Variants in RABGAP1L observed in about 807,000 individuals in gnomAD.
The protein encoded by RABGAP1L is RAB GTPase activating protein 1 like.
Under a neutral mutation model 137.7 loss-of-function variants are expected in RABGAP1L, and 63 were observed. That is an observed-to-expected ratio of 0.46 (90% confidence interval 0.37 to 0.56). The LOEUF (loss-of-function observed/expected upper bound fraction) is 0.56, where lower values mean the gene tolerates loss of function less well. Ranked by LOEUF, RABGAP1L falls within the 20% of genes least tolerant of loss-of-function variation. RABGAP1L has a pLI of 0.00. For synonymous variants in RABGAP1L, 431 were observed against 433.7 expected (o/e 0.99, Z 0.08); for missense variants, 1,095 against 1,244.0 (o/e 0.88, Z 1.80).
At chr1:174,479,526 A>G (rs925814910) in intron 13 of RABGAP1L, among the ~76,000 whole-genome samples, 2 of 152,210 alleles carry the variant, frequency 1.3e-5, no homozygotes, top group African/African-American at 2.4e-5. Flanking sequence ...TGGAATTGCT[A>G]TAGAAATTCA....
chr1:174,546,626 C>T (rs893521598), intron 13 of RABGAP1L, among the ~76,000 whole-genome samples: 1 of 152,192 alleles, frequency 6.6e-6, no homozygotes, highest in Non-Finnish European at 1.5e-5. Context: ...ATGCCTCTTT[C>T]AGTCCTTGCT....
In RABGAP1L at chr1:174,946,913, A is replaced by AT. The variant is rs1386058220; in HGVS notation, c.2341-10544_2341-10543insT. Among the ~76,000 whole-genome samples, 362 of 51,612 alleles carry AT rather than the reference A, an allele frequency of 7.0e-3. 11 individuals are homozygous for AT. The highest frequency in any genetic ancestry group is 0.011 in the Non-Finnish European group (300 of 27,506). 33.9% of individuals were successfully genotyped at this position (51,612 alleles called of 152,430 possible). A position where few individuals can be genotyped will look rare whatever the true frequency, so the allele number is the denominator to read the frequency against. On this transcript the variant is annotated intron_variant, in intron 19 of 25. Coordinates refer to ENST00000681986, the MANE Select transcript of RABGAP1L (RefSeq NM_001366446.1). Reference sequence around the variant, plus strand: ...GAGACTCCATCTCAAAAAAAAAAAAAAAAAATATATATATATATATATATA... The same window carrying AT: ...GAGACTCCATCTCAAAAAAAAAAAAATAAAAATATATATATATATATATATA...
At chr1:174,377,707 A>C (rs572284604) in intron 12 of RABGAP1L, among the ~76,000 whole-genome samples, 1 of 151,578 alleles carries the variant, frequency 6.6e-6, no homozygotes, top group South Asian at 2.1e-4. Flanking sequence ...GATAATAACA[A>C]GTGTTGGCAA....
At chr1:174,714,275 C>T (rs1006496591) in intron 17 of RABGAP1L, among the ~76,000 whole-genome samples, 1 of 152,190 alleles carries the variant, frequency 6.6e-6, no homozygotes, top group African/African-American at 2.4e-5. Flanking sequence ...ATCACCCATT[C>T]TTAAATGGAT....
rs1681442452 is a variant in RABGAP1L, at chr1:174,336,087, A to G, written c.1465+30960A>G. Among the ~76,000 whole-genome samples, 3 of 152,152 alleles carry G rather than the reference A, an allele frequency of 2.0e-5. No homozygotes were observed. The East Asian group carries it at 5.8e-4, about 29-fold the overall frequency. On this transcript the variant is annotated intron_variant, in intron 11 of 25. Coordinates refer to ENST00000681986, the MANE Select transcript of RABGAP1L (RefSeq NM_001366446.1). ...AAAAATTTTCCCCCTGAGTTGTCATAGCTTTTACTATAGAAACAAGTTTGC... is the reference window on the plus strand; with the variant it reads ...AAAAATTTTCCCCCTGAGTTGTCATGGCTTTTACTATAGAAACAAGTTTGC...
At chr1:174,292,256 G>T (rs1296240264) in intron 10 of RABGAP1L, among the ~76,000 whole-genome samples, 2 of 146,434 alleles carry the variant, frequency 1.4e-5, no homozygotes, top group Non-Finnish European at 3.0e-5. Context: ...GTCTCAAATT[G>T]CTCAAGCAGT....
intron 12 of RABGAP1L, among the ~76,000 whole-genome samples, chr1:174,391,416 A>G (rs1008909904): frequency 3.3e-5 from 5 of 152,218 alleles, no homozygotes; most frequent in Non-Finnish European, 7.3e-5. Flanking sequence ...TCTGAGGCTC[A>G]GGTGATTCTC....
At chr1:174,576,056 C>A (rs1327079857) in intron 13 of RABGAP1L, among the ~76,000 whole-genome samples, 1 of 152,184 alleles carries the variant, frequency 6.6e-6, no homozygotes, top group Non-Finnish European at 1.5e-5. Context: ...TCAGTAATTT[C>A]TAACAGAGCC....
chr1:174,759,302 AAAG>A (rs1156498798), intron 18 of RABGAP1L, among the ~76,000 whole-genome samples: 17 of 151,362 alleles, frequency 1.1e-4, no homozygotes, highest in African/African-American at 3.9e-4. Context: ...AAAAAAAAAA[AAAG>A]AAGTTTCAGC....
chr1:174,241,801 A>C (rs1558062979), intron 5 of RABGAP1L, 144 bp downstream of exon 5: 4 of 777,158 alleles, frequency 5.1e-6, no homozygotes, highest in South Asian at 4.2e-5. Context: ...ATGACATAGA[A>C]CTGAATGTGG....
rs75746635 is a variant in RABGAP1L at position 174,747,537 on chromosome 1, G to A, written c.2170-4776G>A. ...TCTACTTTAGTTCAAGGCTTATGAA[G>A]TCTTTATTTTTATGGGTAATGTCTA... On this transcript the variant is annotated intron_variant, in intron 17 of 25. Transcript: ENST00000681986. Among the ~76,000 whole-genome samples the A allele has an allele frequency of 9.0e-3, 1,363 of 151,860 alleles. 22 individuals are homozygous for A. Among genetic ancestry groups the A allele is most frequent in the African/African-American group, 0.032 (1,309 of 41,422 alleles).
intron 13 of RABGAP1L, among the ~76,000 whole-genome samples, chr1:174,620,347 C>A (rs1013213909): frequency 2.8e-4 from 43 of 152,292 alleles, no homozygotes; most frequent in Non-Finnish European, 4.7e-4. Context: ...TTCAGCACCA[C>A]ACCACACCTA....
rs983062110 is a variant in RABGAP1L at position 174,349,121 on chromosome 1, C to T, written c.1466-21858C>T. 2.2e-5 allele frequency among the ~76,000 whole-genome samples: 3 copies of T among 136,842 alleles called. 1 individual carries two copies. The highest frequency in any genetic ancestry group is 4.8e-5 in the Non-Finnish European group (3 of 62,766). 89.8% of individuals were successfully genotyped at this position (136,842 alleles called of 152,430 possible). A position where few individuals can be genotyped will look rare whatever the true frequency, so the allele number is the denominator to read the frequency against. Reference sequence around the variant, plus strand: ...GGCGGGGGGCTGACACCCCCACCTCCCGGACGGGGCGGCTGGCCGGGCAGA... The same window carrying T: ...GGCGGGGGGCTGACACCCCCACCTCTCGGACGGGGCGGCTGGCCGGGCAGA... On this transcript the variant is annotated intron_variant, in intron 11 of 25. Transcript: ENST00000681986.
intron 19 of RABGAP1L, among the ~76,000 whole-genome samples, chr1:174,836,624 A>G (rs977024889): frequency 2.6e-5 from 4 of 152,230 alleles, no homozygotes; most frequent in African/African-American, 7.2e-5. Context: ...AGTGTGACAT[A>G]TCTCTGATAG....
intron 13 of RABGAP1L, among the ~76,000 whole-genome samples, chr1:174,438,123 T>A (rs1160481753): frequency 1.3e-5 from 2 of 152,046 alleles, no homozygotes; most frequent in African/African-American, 2.4e-5. Flanking sequence ...ACATGCCAAA[T>A]TGTAAAGACC....
intron 11 of RABGAP1L, 35 bp downstream of exon 11, chr1:174,305,162 G>A: frequency 6.8e-7 from 1 of 1,479,724 alleles, no homozygotes. Flanking sequence ...TATTCTGTCT[G>A]TATAGCTGCT....
chr1:174,441,503 G>T (rs146451335), intron 13 of RABGAP1L, among the ~76,000 whole-genome samples: 1 of 152,112 alleles, frequency 6.6e-6, no homozygotes, highest in African/African-American at 2.4e-5. Context: ...GGGAGGCTGA[G>T]GGGGGTGGAT....
At chr1:174,261,159 G>A (rs1189912263) in intron 7 of RABGAP1L, among the ~76,000 whole-genome samples, 3 of 151,992 alleles carry the variant, frequency 2.0e-5, no homozygotes, top group Non-Finnish European at 2.9e-5. Context: ...TAGTGATACA[G>A]CAAGCAGAAT....
chr1:174,628,455 T>TTTTATTTA (rs1295430456), intron 13 of RABGAP1L, among the ~76,000 whole-genome samples: 1 of 152,216 alleles, frequency 6.6e-6, no homozygotes, highest in Non-Finnish European at 1.5e-5. Context: ...TAATTAATAA[T>TTTTATTTA]TTTATTTATT....
Sources: gnomAD v4.1 joint callset for allele counts (sites outside exome capture counted in the v4.1 genomes callset) on GRCh38, gnomAD v4.1.1 for gene constraint, MANE v1.5 for transcripts, NCBI Gene and HGNC (gene_info 2026-07-23, HGNC 2026-07-21) for gene names.